Variants in MAP3K4 observed in about 807,000 individuals in gnomAD.
The protein encoded by MAP3K4 is MAP three kinase 1.
In MAP3K4, 67 loss-of-function variants were observed where a neutral mutation model predicts 185.6. The observed-to-expected ratio is 0.36, with a 90% CI of 0.30 to 0.44. The LOEUF (loss-of-function observed/expected upper bound fraction) is 0.44. Among genes scored for constraint, MAP3K4 ranks in the 20% least tolerant of loss-of-function variants. MAP3K4 has a pLI of 1.00. For missense variants in MAP3K4, 1,551 were observed against 1,995.1 expected (o/e 0.78, Z 4.24); for synonymous variants, 702 against 710.4 (o/e 0.99, Z 0.19).
At chr6:161,072,199 G>A (rs933503450) in intron 4 of MAP3K4, among the ~76,000 whole-genome samples, 2 of 152,088 alleles carry the variant, frequency 1.3e-5, no homozygotes, top group African/African-American at 4.8e-5. Flanking sequence ...TCTTACAGTG[G>A]ATAATTACTT....
chr6:161,005,623 G>GTA (rs1781549680), intron 1 of MAP3K4, among the ~76,000 whole-genome samples: 1 of 152,034 alleles, frequency 6.6e-6, no homozygotes, highest in Admixed American at 6.5e-5. Context: ...GATTAAATTT[G>GTA]TTTAAATACA....
intron 1 of MAP3K4, among the ~76,000 whole-genome samples, chr6:160,993,193 C>T (rs1670775002): frequency 6.6e-6 from 1 of 152,046 alleles, no homozygotes; most frequent in Admixed American, 6.6e-5. Context: ...TCTTTTAATT[C>T]TGAGATAGTT....
chr6:161,014,104 A>G (rs1352606902), intron 1 of MAP3K4, among the ~76,000 whole-genome samples: 5 of 152,234 alleles, frequency 3.3e-5, no homozygotes, highest in African/African-American at 1.2e-4. Context: ...GGTGGAATGA[A>G]TTGTCATTAA....
rs1781280639 is a variant in MAP3K4, at chr6:161,001,027, ATTATAT to A, written c.152+8945_152+8950del. Among the ~76,000 whole-genome samples the A allele has an allele frequency of 2.3e-4, 3 of 13,212 alleles. No homozygotes were observed. In the Admixed American group the frequency reaches 2.8e-3, roughly 12 times the overall value. 8.7% of individuals were successfully genotyped at this position (13,212 alleles called of 152,430 possible). A position where few individuals can be genotyped will look rare whatever the true frequency, so the allele number is the denominator to read the frequency against. ...ATATACACATATGTATATAATATAT[ATTATAT>A]ATTATAATATACACATATGTATATA... On this transcript the variant is annotated intron_variant, in intron 1 of 26. Coordinates refer to ENST00000392142, the MANE Select transcript of MAP3K4 (RefSeq NM_005922.4).
chr6:161,092,461 C>T (rs1036438535), intron 13 of MAP3K4, among the ~76,000 whole-genome samples: 4 of 152,002 alleles, frequency 2.6e-5, no homozygotes, highest in African/African-American at 4.8e-5. Flanking sequence ...TTGGAATTTG[C>T]AGGGGTGAAA....
chr6:161,116,790 CG>C lies in MAP3K4; in HGVS notation c.4807-59del. 1 of 1,500,828 alleles carries C rather than the reference CG, an allele frequency of 6.7e-7. No homozygotes were observed. The highest frequency in any genetic ancestry group is 1.1e-5 in the South Asian group (1 of 88,720). The allele number at this position is 1,500,828 out of a possible 1,614,324, so 93.0% of individuals were successfully genotyped here. The stretch of plus-strand genomic sequence containing the variant: ...CCTTCCCCGTAAGACTCATACTGCG[CG>C]TATGCACAAGCACACACCTGGCTCT... On this transcript the variant is annotated intron_variant, in intron 26 of 26. Coordinates refer to ENST00000392142, the MANE Select transcript of MAP3K4 (RefSeq NM_005922.4). The surrounding 1 kb of genome is among the most constrained non-coding windows in gnomAD (Gnocchi z 6.2).
chr6:161,093,833 G>C lies in MAP3K4; in HGVS notation c.3409G>C (p.Val1137Leu), dbSNP rs1335335989. Reference protein sequence around the residue: ...GHVIGKPHSPVTGLYLAIHRN... With the variant: ...GHVIGKPHSPLTGLYLAIHRN... ...TGTCATAGGAAAACCACACAGTCCT[G>C]TTACAGGTTTGTACCTTGGTAAGAC... is the stretch of plus-strand genomic sequence containing the variant. Residue 1137 changes from valine to leucine, a missense_variant, in exon 15 of 27, where the codon GTT becomes CTT. By Grantham distance (32) the Val-to-Leu change is conservative. Around this residue, in one of 16 missense-constraint regions of MAP3K4, gnomAD observed 272 missense variants for 301.2 expected, o/e 0.90. Transcript: ENST00000392142. This position sits in a 1 kb window ranked among gnomAD's most constrained non-coding sequence, Gnocchi z 5.2. 6.2e-7 allele frequency: 1 copy of C among 1,613,384 alleles called. No individual in the cohort carries two copies. Among genetic ancestry groups the C allele is most frequent in the South Asian group, 1.1e-5 (1 of 91,016 alleles).
chr6:161,041,617 A>G (rs1275434700), intron 2 of MAP3K4, among the ~76,000 whole-genome samples: 1 of 152,220 alleles, frequency 6.6e-6, no homozygotes, highest in African/African-American at 2.4e-5. Context: ...TTTCAGGAGC[A>G]CAGGAAATCA....
Position 161,084,511 on chromosome 6 carries a change from G to A in MAP3K4, c.2266G>A (p.Gly756Arg), listed in dbSNP as rs758614902. The A allele has an allele frequency of 3.9e-6, 6 of 1,535,674 alleles. No homozygotes were observed. The African/African-American group carries it at 6.8e-5, about 17-fold the overall frequency. Residue 756 changes from glycine (G) to arginine (R), a missense_variant, in exon 7 of 27, where the codon GGA (glycine) becomes AGA (arginine). This residue lies in a region of MAP3K4 where 130 missense variants were observed against 171.3 expected (regional missense o/e 0.76). Transcript: ENST00000392142. This position sits in a 1 kb window ranked among gnomAD's most constrained non-coding sequence, Gnocchi z 4.6. ...QAGKLFCDIA[G>R]MLLKSTGSFL... ...TTTTTGTTCCCTTAGTGACATTGCA[G>A]GAATGCTGCTGAAATCTACAGGAAG...
chr6:161,107,800 A>G lies in MAP3K4; in HGVS notation c.4049-99A>G. ...TAAACATAATTATAGATATATAAAT[A>G]TACGTCCAAAATAATTGGACAGTAT... On this transcript the variant is annotated intron_variant, in intron 20 of 26. Transcript: ENST00000392142. The surrounding 1 kb of genome is among the most constrained non-coding windows in gnomAD (Gnocchi z 6.2). 5 of 800,048 alleles carry G rather than the reference A, an allele frequency of 6.2e-6. No individual in the cohort carries two copies. Among genetic ancestry groups the G allele is most frequent in the East Asian group, 2.6e-5 (1 of 39,108 alleles). The allele number at this position is 800,048 out of a possible 1,614,324, so 49.6% of individuals were successfully genotyped here.
chr6:161,096,762 G>A lies in MAP3K4; in HGVS notation c.3428-318G>A. 1 of 233,190 alleles carries A rather than the reference G, an allele frequency of 4.3e-6. No individual in the cohort carries two copies. The highest frequency in any genetic ancestry group is 5.0e-5 in the Admixed American group (1 of 19,954). 14.4% of individuals were successfully genotyped at this position (233,190 alleles called of 1,614,324 possible). On this transcript the variant is annotated intron_variant, in intron 15 of 26. Coordinates refer to ENST00000392142, the MANE Select transcript of MAP3K4 (RefSeq NM_005922.4). This position sits in a 1 kb window ranked among gnomAD's most constrained non-coding sequence, Gnocchi z 4.9. ...ATAAAGAACTCCTTTTTATTAGGGAGATACCACATTTTCATGTATCTCTAA... is the reference window on the plus strand; with the variant it reads ...ATAAAGAACTCCTTTTTATTAGGGAAATACCACATTTTCATGTATCTCTAA...
chr6:161,104,482 G>A (rs1345839350), intron 19 of MAP3K4, among the ~76,000 whole-genome samples: 1 of 151,608 alleles, frequency 6.6e-6, no homozygotes, highest in African/African-American at 2.4e-5. Context: ...GGGAGGCCAA[G>A]GCAGGTGGAT....
intron 1 of MAP3K4, among the ~76,000 whole-genome samples, chr6:161,028,857 T>A (rs752943098): frequency 2.0e-5 from 3 of 152,194 alleles, no homozygotes; most frequent in Non-Finnish European, 4.4e-5. Flanking sequence ...TGATAAATGT[T>A]CAGCTGTAGA....
Position 161,085,280 on chromosome 6 carries a change from T to TA in MAP3K4, c.2372+664dup, listed in dbSNP as rs558401157. The stretch of plus-strand genomic sequence containing the variant: ...AAAAATCTGTGTAGTGGTCCATTAA[T>TA]ACATTTTAATGACATTTGGTACATT... On this transcript the variant is annotated intron_variant, in intron 7 of 26. Coordinates refer to ENST00000392142, the MANE Select transcript of MAP3K4 (RefSeq NM_005922.4). Among the ~76,000 whole-genome samples, 12 of 152,372 alleles carry TA rather than the reference T, an allele frequency of 7.9e-5. No homozygotes were observed. The East Asian group carries it at 1.7e-3, about 22-fold the overall frequency.
chr6:161,066,669 T>A (rs1025273292), intron 3 of MAP3K4, among the ~76,000 whole-genome samples: 1 of 152,202 alleles, frequency 6.6e-6, no homozygotes. Flanking sequence ...TTAAGGAAAT[T>A]GCTGTTTCCT....
chr6:161,036,831 C>G (rs1311651708), intron 2 of MAP3K4, among the ~76,000 whole-genome samples: 3 of 152,108 alleles, frequency 2.0e-5, no homozygotes, highest in Non-Finnish European at 4.4e-5. Context: ...ACATGATGCT[C>G]CAAGGAAATG....
intron 1 of MAP3K4, among the ~76,000 whole-genome samples, chr6:160,992,716 C>A (rs1780791589): frequency 6.6e-6 from 1 of 152,254 alleles, no homozygotes. Flanking sequence ...ATTCATTTGT[C>A]TAAAACTTTG....
chr6:161,084,500 G>A lies in MAP3K4; in HGVS notation c.2256-1G>A. 7.3e-7 allele frequency: 1 copy of A among 1,368,398 alleles called. No individual in the cohort carries two copies. The highest frequency in any genetic ancestry group is 1.0e-6 in the Non-Finnish European group (1 of 955,760). The allele number at this position is 1,368,398 out of a possible 1,614,324, so 84.8% of individuals were successfully genotyped here. ...TTTTATTTTTATTTTTGTTCCCTTA[G>A]TGACATTGCAGGAATGCTGCTGAAA... On this transcript the variant is annotated splice_acceptor_variant, in intron 6 of 26. Transcript: ENST00000392142. LOFTEE classifies it high-confidence loss of function. This position sits in a 1 kb window ranked among gnomAD's most constrained non-coding sequence, Gnocchi z 4.6.
At chr6:161,113,628 T>C (rs1778450662) in intron 25 of MAP3K4, among the ~76,000 whole-genome samples, 1 of 152,056 alleles carries the variant, frequency 6.6e-6, no homozygotes, top group African/African-American at 2.4e-5. Context: ...GAGGGGGATA[T>C]GGGAAGTCTC....
Sources: gnomAD v4.1 joint callset for allele counts (sites outside exome capture counted in the v4.1 genomes callset) on GRCh38, gnomAD v4.1.1 for gene constraint, gnomAD v4.1.1 regional missense constraint, Gnocchi (gnomAD v3.1) non-coding constraint, MANE v1.5 for transcripts, NCBI Gene and HGNC (gene_info 2026-07-23, HGNC 2026-07-21) for gene names.